The following MGAT4C variants were observed in gnomAD, a reference collection of about 807,000 sequenced individuals.
The protein encoded by MGAT4C is alpha-1,3-mannosyl-glycoprotein 4-beta-N-acetylglucosaminyltransferase C.
MGAT4C carries 19 observed loss-of-function variants against 40.1 expected under a neutral mutation model. That is an observed-to-expected ratio of 0.47 (90% CI 0.33 to 0.70). The LOEUF is 0.70. MGAT4C is among the 30% of genes least tolerant of loss of function. The probability of loss-of-function intolerance (pLI) is 0.02; values close to 1 mark genes in which losing one functional copy is unlikely to be tolerated. For missense variants in MGAT4C, 491 were observed against 563.2 expected (o/e 0.87, Z 1.30); for synonymous variants, 181 against 187.1 (o/e 0.97, Z 0.27).
rs920343986 is a variant in MGAT4C, at chr12:86,085,735, G to C, written c.-56-36012C>G. Reference sequence around the variant, plus strand: ...ATATTAAAAGGTGGGCAAAGAATATGAACAGACACTTTTCAAAAGAATACA... The same window carrying C: ...ATATTAAAAGGTGGGCAAAGAATATCAACAGACACTTTTCAAAAGAATACA... On this transcript the variant is annotated intron_variant, in intron 1 of 4. Transcript: ENST00000611864. 7.0e-4 allele frequency among the ~76,000 whole-genome samples: 106 copies of C among 152,096 alleles called. 2 individuals are homozygous for C.
At chr12:86,695,014 C>T (rs1950230709) in intron 2 of MGAT4C, among the ~76,000 whole-genome samples, 1 of 152,096 alleles carries the variant, frequency 6.6e-6, no homozygotes, top group Admixed American at 6.6e-5. Flanking sequence ...TTGCAAACTA[C>T]CTATCTGACA....
intron 1 of MGAT4C, among the ~76,000 whole-genome samples, chr12:86,156,914 TA>T (rs1374552344): frequency 6.6e-6 from 1 of 152,102 alleles, no homozygotes; most frequent in Non-Finnish European, 1.5e-5. Flanking sequence ...TTTTTTTAAA[TA>T]AAGCTAATGG....
chr12:86,483,065 TCA>T (rs1457428491), intron 2 of MGAT4C, among the ~76,000 whole-genome samples: 4 of 152,198 alleles, frequency 2.6e-5, no homozygotes, highest in African/African-American at 7.2e-5. Context: ...AATTTATTTC[TCA>T]CAGTTTTGAC....
At chr12:86,502,333 A>C (rs1253030840) in intron 2 of MGAT4C, among the ~76,000 whole-genome samples, 1 of 151,988 alleles carries the variant, frequency 6.6e-6, no homozygotes, top group Non-Finnish European at 1.5e-5. Context: ...AATGGTTGCC[A>C]GGGGGTTGGG....
intron 2 of MGAT4C, among the ~76,000 whole-genome samples, chr12:86,580,898 A>C (rs956296636): frequency 6.6e-6 from 1 of 151,522 alleles, no homozygotes; most frequent in African/African-American, 2.4e-5. Context: ...ACAGATGTAC[A>C]TCAGGTCTGT....
At chr12:86,525,922 A>G (rs1023368304) in intron 2 of MGAT4C, among the ~76,000 whole-genome samples, 1 of 152,236 alleles carries the variant, frequency 6.6e-6, no homozygotes, top group Non-Finnish European at 1.5e-5. Flanking sequence ...ATCCGTCCTC[A>G]TTCGCATGTG....
intron 2 of MGAT4C, among the ~76,000 whole-genome samples, chr12:86,693,556 T>G (rs1950206514): frequency 6.6e-6 from 1 of 152,176 alleles, no homozygotes; most frequent in Non-Finnish European, 1.5e-5. Flanking sequence ...TAAGTTATTC[T>G]TTTTTGGTGC....
chr12:86,090,650 C>T (rs1872721157), intron 1 of MGAT4C, among the ~76,000 whole-genome samples: 1 of 151,860 alleles, frequency 6.6e-6, no homozygotes, highest in Non-Finnish European at 1.5e-5. Context: ...TCAAGGCTAG[C>T]AATTCTTTTG....
chr12:86,597,262 A>G (rs1961575302), intron 2 of MGAT4C, among the ~76,000 whole-genome samples: 1 of 152,192 alleles, frequency 6.6e-6, no homozygotes, highest in Non-Finnish European at 1.5e-5. Flanking sequence ...TGTCCTTGCC[A>G]GCAAGAAAAA....
chr12:86,068,186 A>C (rs984933188), intron 1 of MGAT4C: 2 of 152,206 alleles, frequency 1.3e-5, no homozygotes, highest in Non-Finnish European at 1.5e-5. Flanking sequence ...AGGGCACCAA[A>C]GCAGATTTTT....
Position 86,684,793 on chromosome 12 carries a change from CT to C in MGAT4C, c.-229+42415del, listed in dbSNP as rs796487312. Among the ~76,000 whole-genome samples, 125 of 146,472 alleles carry C rather than the reference CT, an allele frequency of 8.5e-4. 2 individuals carry two copies. Among genetic ancestry groups the C allele is most frequent in the Middle Eastern group, 3.5e-3 (1 of 288 alleles). ...TTCTCTAATGACCGATGATGATGAG[CT>C]TTTTTTTTTTCATATGTTTGTTGGC... On this transcript the variant is annotated intron_variant, in intron 2 of 7. Transcript: ENST00000548651.
At chr12:86,774,283 C>CTT (rs1555227737) in intron 1 of MGAT4C, among the ~76,000 whole-genome samples, 7 of 16,934 alleles carry the variant, frequency 4.1e-4, no homozygotes, top group African/African-American at 6.0e-4. Flanking sequence ...AAGGCTTGCT[C>CTT]TTTCTTTCTT....
At chr12:86,071,625 A>C (rs1443214208) in intron 1 of MGAT4C, among the ~76,000 whole-genome samples, 1 of 152,114 alleles carries the variant, frequency 6.6e-6, no homozygotes, top group South Asian at 2.1e-4. Flanking sequence ...TTCTTTTAAC[A>C]TCAGGTAATA....
At chr12:86,384,502 C>A (rs1377502791) in intron 3 of MGAT4C, among the ~76,000 whole-genome samples, 1 of 152,242 alleles carries the variant, frequency 6.6e-6, no homozygotes, top group African/African-American at 2.4e-5. Flanking sequence ...CAGGGCTTAT[C>A]ATTATTAACG....
chr12:86,514,110 A>ACACAC (rs774960809), intron 2 of MGAT4C, among the ~76,000 whole-genome samples: 5 of 144,580 alleles, frequency 3.5e-5, no homozygotes, highest in East Asian at 2.0e-4. Flanking sequence ...ACACACACAC[A>ACACAC]ACCCCGGCTT....
chr12:86,162,357 G>C (rs1885686864), intron 1 of MGAT4C, among the ~76,000 whole-genome samples: 1 of 152,202 alleles, frequency 6.6e-6, no homozygotes, highest in South Asian at 2.1e-4. Context: ...CATGGATGGA[G>C]CTGGAGGCCA....
intron 1 of MGAT4C, among the ~76,000 whole-genome samples, chr12:86,170,847 AG>A (rs1306968246): frequency 6.6e-6 from 1 of 152,026 alleles, no homozygotes; most frequent in Non-Finnish European, 1.5e-5. Context: ...GAGCTACTAG[AG>A]AGGCTGAGGT....
At position 85,980,409 on chromosome 12, in the gene MGAT4C, G is replaced by GA; in HGVS notation, c.316dup (p.Ser106PhefsTer13). The GA allele has an allele frequency of 3.1e-6, 5 of 1,602,128 alleles. No homozygotes were observed. The highest frequency in any genetic ancestry group is 4.3e-6 in the Non-Finnish European group (5 of 1,174,718). Reference sequence around the variant, plus strand: ...GTTTCCTTTTTTTCGCTTTACTGAAGAAAGTCCAATTGTAAGATACCCTGC... The same window carrying GA: ...GTTTCCTTTTTTTCGCTTTACTGAAGAAAAGTCCAATTGTAAGATACCCTGC... On this transcript the variant is annotated frameshift_variant, in exon 5 of 5. Coordinates refer to ENST00000611864, the MANE Select transcript of MGAT4C (RefSeq NM_001351288.2). LOFTEE classifies it high-confidence loss of function.
At chr12:86,760,196 C>G (rs990125291) in intron 1 of MGAT4C, among the ~76,000 whole-genome samples, 1 of 151,980 alleles carries the variant, frequency 6.6e-6, no homozygotes. Flanking sequence ...AAAAACGGTG[C>G]TGGGAAAACT....
Sources: gnomAD v4.1 joint callset for allele counts (sites outside exome capture counted in the v4.1 genomes callset) on GRCh38, gnomAD v4.1.1 for gene constraint, MANE v1.5 for transcripts, NCBI Gene and HGNC (gene_info 2026-07-23, HGNC 2026-07-21) for gene names.